Variants in LHCGR observed in about 807,000 individuals in gnomAD.
LHCGR encodes the protein lutropin-choriogonadotropic hormone receptor.
A neutral mutation model predicts 60.7 loss-of-function variants in LHCGR; 55 were observed. That is an observed-to-expected ratio of 0.91 (90% CI 0.73 to 1.13). LHCGR has a LOEUF of 1.13. Among genes scored for constraint, LHCGR ranks in the 50% most tolerant of loss-of-function variants. The pLI, the probability that LHCGR is intolerant of heterozygous loss-of-function variation, is 0.00. For synonymous variants in LHCGR, 337 were observed against 316.5 expected (o/e 1.06, Z -0.69); for missense variants, 862 against 836.0 (o/e 1.03, Z -0.38).
In LHCGR at chr2:48,698,626, C is replaced by T. The variant is rs768934325; in HGVS notation, c.855G>A (p.Leu285=). The change falls in exon 9 of 11, where the codon TTG becomes TTA. Residue 285 remains leucine, a synonymous_variant. Transcript: ENST00000294954. The part of the protein sequence containing the change: ...YPSHCCAFRN[L]PTKEQNFSHS... Reference sequence around the variant, plus strand: ...TGGTTTCTACTTACTCTTTTGTTGGCAAGTTTCTAAAAGCACAGCAGTGGC... The same window carrying T: ...TGGTTTCTACTTACTCTTTTGTTGGTAAGTTTCTAAAAGCACAGCAGTGGC... The T allele has an allele frequency of 6.2e-7, 1 of 1,613,952 alleles. No homozygotes were observed. The highest frequency in any genetic ancestry group is 8.5e-7 in the Non-Finnish European group (1 of 1,179,916).
chr2:48,712,793 T>C (rs1005501175), intron 7 of LHCGR, among the ~76,000 whole-genome samples: 4 of 152,082 alleles, frequency 2.6e-5, no homozygotes, highest in Non-Finnish European at 5.9e-5. Context: ...GGATCCATTT[T>C]ATGAATGAAG....
intron 7 of LHCGR, among the ~76,000 whole-genome samples, chr2:48,710,065 C>A (rs1667903871): frequency 6.6e-6 from 1 of 152,206 alleles, no homozygotes; most frequent in African/African-American, 2.4e-5. Flanking sequence ...AACATACTAA[C>A]ACCCATTCCC....
chr2:48,737,862 A>C (rs1669268737), intron 1 of LHCGR, among the ~76,000 whole-genome samples: 1 of 152,242 alleles, frequency 6.6e-6, no homozygotes. Context: ...CATTTGGTCC[A>C]ACCCCTCACT....
At chr2:48,708,604 A>T (rs1171339037) in intron 8 of LHCGR, among the ~76,000 whole-genome samples, 1 of 152,062 alleles carries the variant, frequency 6.6e-6, no homozygotes, top group African/African-American at 2.4e-5. Flanking sequence ...CCATGTGAAG[A>T]CTGGAATTAT....
chr2:48,695,775 T>C (rs945798738), intron 9 of LHCGR, among the ~76,000 whole-genome samples: 4 of 152,304 alleles, frequency 2.6e-5, no homozygotes, highest in African/African-American at 9.6e-5. Context: ...TAAGTAAATT[T>C]ATTCAAGATT....
At chr2:48,691,494 G>T (rs1666822141) in intron 10 of LHCGR, among the ~76,000 whole-genome samples, 1 of 152,110 alleles carries the variant, frequency 6.6e-6, no homozygotes, top group African/African-American at 2.4e-5. Context: ...ATCTTTAAAG[G>T]GAGGAGATGG....
Position 48,731,277 on chromosome 2 carries a change from G to A in LHCGR, c.183C>T (p.Val61=). Residue 61 remains valine (V), a synonymous_variant, in exon 2 of 11, where the codon GTC becomes GTT. Transcript: ENST00000294954. ...LTRLSLAYLP[V]KVIPSQAFRG... ...TGAAAGCTTGAGATGGGATCACTTT[G>A]ACAGGGAGGTAGGCAAGTGATCTAG... The A allele has an allele frequency of 1.2e-6, 2 of 1,611,640 alleles. No individual in the cohort carries two copies. The highest frequency in any genetic ancestry group is 2.2e-5 in the South Asian group (2 of 91,038).
intron 2 of LHCGR, among the ~76,000 whole-genome samples, chr2:48,729,672 T>C (rs1003137084): frequency 6.6e-6 from 1 of 152,204 alleles, no homozygotes; most frequent in East Asian, 1.9e-4. Context: ...CTAGTGAGGC[T>C]TTAATATGGA....
chr2:48,689,489 C>A (rs1304101844), intron 10 of LHCGR, among the ~76,000 whole-genome samples: 1 of 152,002 alleles, frequency 6.6e-6, no homozygotes, highest in Non-Finnish European at 1.5e-5. Flanking sequence ...ATCAAATAGT[C>A]CAACAGAGAA....
intron 1 of LHCGR, among the ~76,000 whole-genome samples, chr2:48,748,979 T>C (rs1347826001): frequency 6.6e-6 from 1 of 152,216 alleles, no homozygotes; most frequent in African/African-American, 2.4e-5. Context: ...TCCTCACCTC[T>C]GTGGGCTCAG....
At chr2:48,697,832 A>G (rs374179453) in intron 9 of LHCGR, among the ~76,000 whole-genome samples, 3 of 152,334 alleles carry the variant, frequency 2.0e-5, no homozygotes, top group African/African-American at 7.2e-5. Context: ...AAAAATAAAA[A>G]AAGCATAAAA....
Position 48,739,604 on chromosome 2 carries a change from T to C in LHCGR, c.162-8306A>G, listed in dbSNP as rs558311071. Among the ~76,000 whole-genome samples the C allele has an allele frequency of 4.6e-3, 704 of 151,518 alleles. 6 individuals carry two copies. The highest frequency in any genetic ancestry group is 0.016 in the African/African-American group (656 of 41,226). Reference sequence around the variant, plus strand: ...GCATGTTCTCGCTCATAGGTGGGAATTGAACAATGAGAACACATGGACACA... The same window carrying C: ...GCATGTTCTCGCTCATAGGTGGGAACTGAACAATGAGAACACATGGACACA... On this transcript the variant is annotated intron_variant, in intron 1 of 10. Coordinates refer to ENST00000294954, the MANE Select transcript of LHCGR (RefSeq NM_000233.4).
At chr2:48,704,241 A>G (rs1399210986) in intron 8 of LHCGR, among the ~76,000 whole-genome samples, 1 of 152,176 alleles carries the variant, frequency 6.6e-6, no homozygotes, top group African/African-American at 2.4e-5. Context: ...GATGAAGCCG[A>G]CTTGATTGTG....
chr2:48,747,440 A>G (rs1392411730), intron 1 of LHCGR, among the ~76,000 whole-genome samples: 1 of 152,060 alleles, frequency 6.6e-6, no homozygotes, highest in Non-Finnish European at 1.5e-5. Flanking sequence ...TTCACTTTTT[A>G]CTAACTTATC....
At chr2:48,732,375 G>A (rs758824410) in intron 1 of LHCGR, among the ~76,000 whole-genome samples, 6 of 152,174 alleles carry the variant, frequency 3.9e-5, no homozygotes, top group Non-Finnish European at 8.8e-5. Flanking sequence ...ACTGCTTTAA[G>A]CTTCTAGGAA....
chr2:48,752,757 G>A (rs1670015283), intron 1 of LHCGR, among the ~76,000 whole-genome samples: 1 of 151,638 alleles, frequency 6.6e-6, no homozygotes, highest in Admixed American at 6.6e-5. Context: ...TTTCCCCCAT[G>A]TTGTTAGACT....
chr2:48,710,825 G>C (rs1216620777), intron 7 of LHCGR, among the ~76,000 whole-genome samples: 1 of 152,184 alleles, frequency 6.6e-6, no homozygotes, highest in Admixed American at 6.5e-5. Context: ...ACTTTGGACA[G>C]GTCTATTTAT....
chr2:48,698,718 A>C lies in LHCGR; in HGVS notation c.763T>G (p.Ser255Ala). 1 of 1,614,180 alleles carries C rather than the reference A, an allele frequency of 6.2e-7. No individual in the cohort carries two copies. The change falls in exon 9 of 11, where the codon TCT (serine) becomes GCT (alanine). Residue 255 changes from serine to alanine, a missense_variant. By Grantham distance (99) the Ser-to-Ala change is moderately conservative. Transcript: ENST00000294954. Reference sequence around the variant, plus strand: ...TCTCTTGATGGCAATTTTTTTAGAGAATAGGATGACGTGGCAATTAGCCTC... The same window carrying C: ...TCTCTTGATGGCAATTTTTTTAGAGCATAGGATGACGTGGCAATTAGCCTC... Reference protein sequence around the residue: ...IQRLIATSSYSLKKLPSRETF... With the variant: ...IQRLIATSSYALKKLPSRETF...
chr2:48,707,338 C>G (rs1667737117), intron 8 of LHCGR, among the ~76,000 whole-genome samples: 1 of 152,238 alleles, frequency 6.6e-6, no homozygotes, highest in Non-Finnish European at 1.5e-5. Context: ...TCAGCCCCTA[C>G]TGGGATGCGT....
Sources: gnomAD v4.1 joint callset for allele counts (sites outside exome capture counted in the v4.1 genomes callset) on GRCh38, gnomAD v4.1.1 for gene constraint, MANE v1.5 for transcripts, NCBI Gene and HGNC (gene_info 2026-07-23, HGNC 2026-07-21) for gene names.